The following AVL9 variants were observed in gnomAD, a reference collection of about 807,000 sequenced individuals.
The protein encoded by AVL9 is AVL9 cell migration associated.
AVL9 carries 49 observed loss-of-function variants against 79.2 expected under a neutral mutation model. The ratio of observed to expected loss-of-function variants is 0.62; its 90% CI spans 0.49 to 0.79. The LOEUF (loss-of-function observed/expected upper bound fraction) is 0.79, where lower values mean the gene tolerates loss of function less well. Ranked by LOEUF, AVL9 falls within the 30% of genes least tolerant of loss-of-function variation. AVL9 has a pLI of 0.00. For synonymous variants in AVL9, 299 were observed against 280.6 expected, an observed-to-expected ratio of 1.07 and a Z score of -0.65; for missense variants, 682 against 776.8, an observed-to-expected ratio of 0.88 and a Z score of 1.45.
chr7:32,542,955 T>C lies in AVL9; in HGVS notation c.94-186T>C, dbSNP rs554566309. Among the ~76,000 whole-genome samples, 71 of 152,352 alleles carry C rather than the reference T, an allele frequency of 4.7e-4. No homozygotes were observed. The South Asian group carries it at 5.0e-3, about 11-fold the overall frequency. The stretch of plus-strand genomic sequence containing the variant: ...AAAGTGGAGAAAGGCTTATAAACTT[T>C]TCCTCCTTTTACTGCTTTTTTTCCC... On this transcript the variant is annotated intron_variant, in intron 1 of 15. Transcript: ENST00000318709.
chr7:32,496,815 C>T (rs1473746437), intron 1 of AVL9, among the ~76,000 whole-genome samples: 1 of 152,092 alleles, frequency 6.6e-6, no homozygotes, highest in Non-Finnish European at 1.5e-5. Flanking sequence ...CGTGTTTGTG[C>T]GTAATTTTGA....
In AVL9 at chr7:32,573,400, G is replaced by T. The variant is rs891331995; in HGVS notation, c.1552G>T (p.Ala518Ser). 7.4e-6 allele frequency: 12 copies of T among 1,613,254 alleles called. No individual in the cohort carries two copies. The highest frequency in any genetic ancestry group is 1.0e-5 in the Non-Finnish European group (12 of 1,179,684). ...QFAVYIHALL[A>S]ATLQLDNEKI... ...TGCGGTCTACATTCATGCCCTGCTG[G>T]CTGCCACACTGCAATTAGGTAAGAA... Residue 518 changes from alanine to serine, a missense_variant, in exon 12 of 16, where the codon GCT becomes TCT. Physicochemically the swap from Ala to Ser is moderately conservative, Grantham distance 99 (BLOSUM62 1). Coordinates refer to ENST00000318709, the MANE Select transcript of AVL9 (RefSeq NM_015060.3).
chr7:32,534,385 C>G (rs1008674106), intron 1 of AVL9: 2 of 21,352 alleles, frequency 9.4e-5, no homozygotes, highest in Non-Finnish European at 2.5e-4. Context: ...CCCTACCAGA[C>G]ATCTTTTTTT....
At chr7:32,553,704 G>C (rs1283124990) in intron 6 of AVL9, 23 bp from the exon 7 acceptor site, 1 of 1,598,732 alleles carries the variant, frequency 6.3e-7, no homozygotes, top group African/African-American at 1.3e-5. Context: ...AGTCACACTT[G>C]AGCTTTTTTG....
chr7:32,566,870 C>T (rs4723172), intron 10 of AVL9, among the ~76,000 whole-genome samples: 1 of 152,112 alleles, frequency 6.6e-6, no homozygotes, highest in African/African-American at 2.4e-5. Flanking sequence ...GTGACAGAGC[C>T]AGACTCCGTC....
chr7:32,584,099 C>A lies in AVL9; in HGVS notation c.*192C>A, dbSNP rs777456763. On this transcript the variant is annotated 3_prime_UTR_variant, in exon 16 of 16. Transcript: ENST00000318709. ...TCACAGCCATAGCAGGGATGGCTTT[C>A]CAGGTTGGGGTTTCAATTGACTACT... 2 of 638,762 alleles carry A rather than the reference C, an allele frequency of 3.1e-6. No individual in the cohort carries two copies. The highest frequency in any genetic ancestry group is 5.8e-6 in the Non-Finnish European group (2 of 344,154). The allele number at this position is 638,762 out of a possible 1,614,324, so 39.6% of individuals were successfully genotyped here.
intron 10 of AVL9, among the ~76,000 whole-genome samples, chr7:32,563,359 G>A (rs1321314219): frequency 6.6e-6 from 1 of 151,850 alleles, no homozygotes; most frequent in African/African-American, 2.4e-5. Context: ...ATTACCTCTA[G>A]ATTATTTATA....
chr7:32,541,036 G>GA (rs1789173180), intron 1 of AVL9, among the ~76,000 whole-genome samples: 1 of 150,888 alleles, frequency 6.6e-6, no homozygotes, highest in East Asian at 1.9e-4. Context: ...CAAGTAGCTG[G>GA]GACTACAGGC....
At position 32,583,786 on chromosome 7, in the gene AVL9, A is replaced by T; in HGVS notation, c.1832-6A>T. On this transcript the variant is annotated splice_region_variant and splice_polypyrimidine_tract_variant and intron_variant, in intron 15 of 15. Coordinates refer to ENST00000318709, the MANE Select transcript of AVL9 (RefSeq NM_015060.3). Reference sequence around the variant, plus strand: ...TTTTCCTTTTGTTTTTCTCCTCTCCATCCAGGCCAGTCAGTTGGAGGAGCT... The same window carrying T: ...TTTTCCTTTTGTTTTTCTCCTCTCCTTCCAGGCCAGTCAGTTGGAGGAGCT... The T allele has an allele frequency of 6.2e-7, 1 of 1,606,324 alleles. No individual in the cohort carries two copies. The highest frequency in any genetic ancestry group is 8.5e-7 in the Non-Finnish European group (1 of 1,173,468).
intron 10 of AVL9, among the ~76,000 whole-genome samples, chr7:32,564,617 C>T (rs1271771620): frequency 6.6e-6 from 1 of 152,200 alleles, no homozygotes; most frequent in Non-Finnish European, 1.5e-5. Context: ...CTAATCCTCT[C>T]TCTGGTACTT....
In AVL9 at chr7:32,576,034, C is replaced by T; in HGVS notation, c.1650C>T (p.Asn550=). 3 of 1,614,020 alleles carry T rather than the reference C, an allele frequency of 1.9e-6. No individual in the cohort carries two copies. The highest frequency in any genetic ancestry group is 2.5e-6 in the Non-Finnish European group (3 of 1,179,910). Residue 550 remains asparagine, a synonymous_variant, in exon 13 of 16, where the codon AAC becomes AAT. Coordinates refer to ENST00000318709, the MANE Select transcript of AVL9 (RefSeq NM_015060.3). The part of the protein sequence containing the change: ...WKNTHNYRVW[N]SNKHPALAEI... ...ATACTCACAACTACAGGGTGTGGAACAGCAACAAGCATCCAGCACTTGCAG... is the reference window on the plus strand; with the variant it reads ...ATACTCACAACTACAGGGTGTGGAATAGCAACAAGCATCCAGCACTTGCAG...
chr7:32,505,523 CA>C (rs34503683), intron 1 of AVL9, among the ~76,000 whole-genome samples: 143,451 of 147,088 alleles, frequency 0.98, 69,941 homozygotes, highest in East Asian at 1. Flanking sequence ...AACTCCGTCT[CA>C]AAAAAAAAAA....
chr7:32,499,852 T>C (rs892046074), intron 1 of AVL9, among the ~76,000 whole-genome samples: 1 of 152,190 alleles, frequency 6.6e-6, no homozygotes, highest in Admixed American at 6.5e-5. Flanking sequence ...TGGTGTTTGG[T>C]TTTGTGTTCC....
chr7:32,529,465 G>A (rs528883149), intron 1 of AVL9, among the ~76,000 whole-genome samples: 2 of 152,270 alleles, frequency 1.3e-5, no homozygotes, highest in African/African-American at 4.8e-5. Flanking sequence ...TGGTTTATTA[G>A]TCCTAATACA....
chr7:32,576,129 A>G (rs1164614122), intron 13 of AVL9, 57 bp downstream of exon 13: 17 of 1,148,562 alleles, frequency 1.5e-5, no homozygotes, highest in Non-Finnish European at 2.2e-5. Context: ...CGAGTGCCCA[A>G]TACAGAGAAA....
chr7:32,503,680 G>T (rs952788216), intron 1 of AVL9, among the ~76,000 whole-genome samples: 3 of 134,814 alleles, frequency 2.2e-5, no homozygotes, highest in Admixed American at 2.1e-4. Flanking sequence ...ATGGCTACAA[G>T]GTTCTTTTTT....
rs1272117645 is a variant in AVL9 at position 32,584,249 on chromosome 7, G to A, written c.*342G>A. The A allele has an allele frequency of 1.2e-5, 3 of 256,958 alleles. No individual in the cohort carries two copies. The highest frequency in any genetic ancestry group is 2.3e-5 in the Non-Finnish European group (3 of 130,872). The allele number at this position is 256,958 out of a possible 1,614,324, so 15.9% of individuals were successfully genotyped here. On this transcript the variant is annotated 3_prime_UTR_variant, in exon 16 of 16. Coordinates refer to ENST00000318709, the MANE Select transcript of AVL9 (RefSeq NM_015060.3). ...TATGTAAATTTTGTTCTGTTTTGGT[G>A]TTTGAATATCTAGATGGTCACTGTA... is the stretch of plus-strand genomic sequence containing the variant.
At chr7:32,573,054 C>T in intron 11 of AVL9, 145 bp from the exon 12 acceptor site, 1 of 595,198 alleles carries the variant, frequency 1.7e-6, no homozygotes, top group South Asian at 2.5e-5. Flanking sequence ...AGTGTACAAA[C>T]CTCTTTCTTA....
intron 15 of AVL9, 114 bp downstream of exon 15, chr7:32,581,004 AGT>A: frequency 2.4e-6 from 2 of 835,760 alleles, no homozygotes; most frequent in South Asian, 3.6e-5. Context: ...GTTATCACAT[AGT>A]AATACAAGAG....
Sources: gnomAD v4.1 joint callset for allele counts (sites outside exome capture counted in the v4.1 genomes callset) on GRCh38, gnomAD v4.1.1 for gene constraint, MANE v1.5 for transcripts, NCBI Gene and HGNC (gene_info 2026-07-23, HGNC 2026-07-21) for gene names.